LRP1B: variants seen among roughly 807,000 people sequenced by gnomAD.
LRP1B encodes low-density lipoprotein receptor-related protein 1B.
A neutral mutation model predicts 556.6 loss-of-function variants in LRP1B; 217 were observed. That is an observed-to-expected ratio of 0.39 (90% CI 0.35 to 0.44). The LOEUF is 0.44. LRP1B is among the 20% of genes least tolerant of loss of function. LRP1B has a pLI of 1.00. For synonymous variants in LRP1B, 2,047 were observed against 1,865.8 expected, an observed-to-expected ratio of 1.10 and a Z score of -2.50; for missense variants, 5,053 against 5,620.8, an observed-to-expected ratio of 0.90 and a Z score of 3.23.
intron 41 of LRP1B, among the ~76,000 whole-genome samples, chr2:140,639,267 C>T (rs1684187037): frequency 6.6e-6 from 1 of 152,138 alleles, no homozygotes; most frequent in Non-Finnish European, 1.5e-5. Flanking sequence ...GATAGAACTT[C>T]AATGATTACT....
chr2:141,464,608 T>TATATA (rs1244707646), intron 3 of LRP1B, among the ~76,000 whole-genome samples: 1 of 48,344 alleles, frequency 2.1e-5, no homozygotes, highest in African/African-American at 6.3e-5. Context: ...ATATATATAT[T>TATATA]TTTTTAGTAG....
intron 86 of LRP1B, among the ~76,000 whole-genome samples, chr2:140,257,417 A>G (rs1353893900): frequency 6.6e-6 from 1 of 152,196 alleles, no homozygotes; most frequent in Non-Finnish European, 1.5e-5. Context: ...TATGTCCCAA[A>G]ATCAAGGGAA....
At chr2:141,172,945 A>G (rs989627068) in intron 7 of LRP1B, among the ~76,000 whole-genome samples, 1 of 151,992 alleles carries the variant, frequency 6.6e-6, no homozygotes, top group African/African-American at 2.4e-5. Flanking sequence ...CTTATTTCCA[A>G]TTATCCAAGC....
rs141295060 is a variant in LRP1B at position 142,122,855 on chromosome 2, C to A, written c.82+7793G>T. Among the ~76,000 whole-genome samples the A allele has an allele frequency of 7.5e-3, 1,146 of 151,956 alleles. 20 individuals are homozygous for A. Among genetic ancestry groups the A allele is most frequent in the African/African-American group, 0.026 (1,075 of 41,490 alleles). On this transcript the variant is annotated intron_variant, in intron 1 of 90. Transcript: ENST00000389484. ...CACTTGCTATTCTAACATTTTTGTC[C>A]CAATAAAAATATACCATTAAAAGCT...
chr2:140,529,465 T>C (rs1558946374), intron 47 of LRP1B, among the ~76,000 whole-genome samples: 1 of 151,642 alleles, frequency 6.6e-6, no homozygotes, highest in Non-Finnish European at 1.5e-5. Flanking sequence ...TGCTCTCATA[T>C]CTCCTTTTCA....
intron 3 of LRP1B, among the ~76,000 whole-genome samples, chr2:141,360,553 A>G (rs1411968246): frequency 1.3e-5 from 2 of 152,222 alleles, no homozygotes; most frequent in East Asian, 3.9e-4. Context: ...AAGAAACCCC[A>G]AGTCAAAAAG....
chr2:141,092,703 G>T (rs1419188408), intron 7 of LRP1B, among the ~76,000 whole-genome samples: 2 of 152,150 alleles, frequency 1.3e-5, no homozygotes, highest in African/African-American at 4.8e-5. Context: ...TAGAAACAGG[G>T]CCAGGATCAA....
At chr2:142,056,991 C>T (rs879779144) in intron 1 of LRP1B, among the ~76,000 whole-genome samples, 1 of 152,102 alleles carries the variant, frequency 6.6e-6, no homozygotes, top group African/African-American at 2.4e-5. Flanking sequence ...TCAGCACTTT[C>T]GTATCTCTGA....
intron 84 of LRP1B, among the ~76,000 whole-genome samples, chr2:140,278,293 T>C (rs1411135660): frequency 6.6e-6 from 1 of 152,030 alleles, no homozygotes; most frequent in African/African-American, 2.4e-5. Context: ...TTTAAACTGA[T>C]GTGTACACCT....
At chr2:140,819,189 A>T (rs1691233176) in intron 31 of LRP1B, among the ~76,000 whole-genome samples, 1 of 151,160 alleles carries the variant, frequency 6.6e-6, no homozygotes, top group Non-Finnish European at 1.5e-5. Flanking sequence ...AGCTATATTT[A>T]TGAGTGGTAT....
intron 41 of LRP1B, among the ~76,000 whole-genome samples, chr2:140,605,900 G>C (rs1682851604): frequency 6.6e-6 from 1 of 151,994 alleles, no homozygotes; most frequent in Non-Finnish European, 1.5e-5. Flanking sequence ...ATTATATTTA[G>C]TGGTGAGAAA....
intron 41 of LRP1B, among the ~76,000 whole-genome samples, chr2:140,625,708 A>G (rs904487356): frequency 3.3e-5 from 5 of 152,186 alleles, no homozygotes; most frequent in Admixed American, 1.3e-4. Flanking sequence ...ATTAGAATCC[A>G]GAACAGTGAC....
At chr2:141,500,366 G>T (rs1381809271) in intron 2 of LRP1B, among the ~76,000 whole-genome samples, 1 of 152,072 alleles carries the variant, frequency 6.6e-6, no homozygotes, top group African/African-American at 2.4e-5. Flanking sequence ...TGAAGCTCCT[G>T]TGTGCATACG....
At chr2:141,158,574 A>G (rs1249454) in intron 7 of LRP1B, among the ~76,000 whole-genome samples, 47,507 of 151,952 alleles carry the variant, frequency 0.31, 7,941 homozygotes, top group East Asian at 0.66. Context: ...AGACACTAAG[A>G]TATCACTTAT....
chr2:142,076,039 G>A (rs10469550), intron 1 of LRP1B, among the ~76,000 whole-genome samples: 3,517 of 152,038 alleles, frequency 0.023, 58 homozygotes, highest in African/African-American at 0.039. Flanking sequence ...CCCCTCCCAC[G>A]TTATCACCCT....
At chr2:142,061,038 T>A (rs1021436624) in intron 1 of LRP1B, among the ~76,000 whole-genome samples, 1 of 151,934 alleles carries the variant, frequency 6.6e-6, no homozygotes, top group African/African-American at 2.4e-5. Context: ...GCAGGGCTAC[T>A]ATCAAAGGGG....
At chr2:140,983,940 T>A (rs1445841095) in intron 17 of LRP1B, among the ~76,000 whole-genome samples, 1 of 151,938 alleles carries the variant, frequency 6.6e-6, no homozygotes, top group Non-Finnish European at 1.5e-5. Context: ...TAAATAATTC[T>A]ATATTGTCTC....
intron 3 of LRP1B, among the ~76,000 whole-genome samples, chr2:141,431,388 G>A (rs4507038): frequency 0.46 from 69,462 of 151,510 alleles, 16,025 homozygotes; most frequent in South Asian, 0.6. Flanking sequence ...CAGCCAGCAA[G>A]GAAATGGGAT....
At chr2:141,525,411 T>A (rs1476374469) in intron 2 of LRP1B, among the ~76,000 whole-genome samples, 1 of 152,072 alleles carries the variant, frequency 6.6e-6, no homozygotes, top group African/African-American at 2.4e-5. Flanking sequence ...TCATCCTTCT[T>A]CACTGCTTTA....
Sources: gnomAD v4.1 joint callset for allele counts (sites outside exome capture counted in the v4.1 genomes callset) on GRCh38, gnomAD v4.1.1 for gene constraint, MANE v1.5 for transcripts, NCBI Gene and HGNC (gene_info 2026-07-23, HGNC 2026-07-21) for gene names.